Variants in DOCK2 observed in about 807,000 individuals in gnomAD.
DOCK2 encodes the protein dedicator of cytokinesis protein 2.
DOCK2 carries 87 observed loss-of-function variants against 248.9 expected under a neutral mutation model. The ratio of observed to expected loss-of-function variants is 0.35; its 90% CI spans 0.29 to 0.42. The LOEUF (loss-of-function observed/expected upper bound fraction) is 0.42. DOCK2 is among the 10% of genes least tolerant of loss of function. The pLI is 1.00. For synonymous variants in DOCK2, 805 were observed against 821.6 expected, an observed-to-expected ratio of 0.98 and a Z score of 0.35; for missense variants, 1,747 against 2,300.2, an observed-to-expected ratio of 0.76 and a Z score of 4.92.
At chr5:169,917,147 G>A (rs968040758) in intron 27 of DOCK2, among the ~76,000 whole-genome samples, 7 of 152,282 alleles carry the variant, frequency 4.6e-5, no homozygotes, top group African/African-American at 1.7e-4. Context: ...ACCTTTTTTA[G>A]TGAAGGAAAA....
intron 46 of DOCK2, among the ~76,000 whole-genome samples, chr5:170,074,979 G>A (rs545172198): frequency 3.3e-5 from 5 of 152,272 alleles, no homozygotes; most frequent in African/African-American, 1.2e-4. Context: ...TGGAAGGTCA[G>A]TTATGTCCTC....
chr5:169,979,699 A>C (rs1777870897), intron 27 of DOCK2, among the ~76,000 whole-genome samples: 1 of 152,234 alleles, frequency 6.6e-6, no homozygotes, highest in African/African-American at 2.4e-5. Flanking sequence ...TAACTTGTCC[A>C]AACTTCAGTC....
intron 32 of DOCK2, 84 bp downstream of exon 32, chr5:170,008,830 G>A (rs960062842): frequency 6.7e-7 from 1 of 1,497,838 alleles, no homozygotes; most frequent in Non-Finnish European, 9.3e-7. Flanking sequence ...GGCCACAGGG[G>A]TTTTAGCAGT....
intron 27 of DOCK2, among the ~76,000 whole-genome samples, chr5:169,846,663 T>G (rs908683097): frequency 4.6e-5 from 7 of 151,970 alleles, no homozygotes; most frequent in Admixed American, 4.6e-4. Context: ...CACACACATA[T>G]ATATATATAC....
chr5:170,076,308 T>C (rs1467694803), intron 47 of DOCK2, among the ~76,000 whole-genome samples: 2 of 152,174 alleles, frequency 1.3e-5, no homozygotes, highest in Non-Finnish European at 2.9e-5. Context: ...ATTGTGCAGA[T>C]ACCAACTACT....
At chr5:170,067,779 T>C (rs1311960356) in intron 45 of DOCK2, 93 bp downstream of exon 45, 2 of 1,421,598 alleles carry the variant, frequency 1.4e-6, no homozygotes, top group Non-Finnish European at 1.9e-6. Flanking sequence ...ATGTCACTTA[T>C]CCTACTTTGA....
At chr5:169,681,105 T>C (rs1759634187) in intron 6 of DOCK2, among the ~76,000 whole-genome samples, 2 of 150,818 alleles carry the variant, frequency 1.3e-5, no homozygotes. Flanking sequence ...ATTTCTCTTT[T>C]AGTAGACCTT....
chr5:169,719,566 C>T (rs1033029690), intron 22 of DOCK2, among the ~76,000 whole-genome samples: 8 of 152,114 alleles, frequency 5.3e-5, no homozygotes, highest in African/African-American at 1.7e-4. Flanking sequence ...AGGGTGTAGT[C>T]GGCCTCAGGC....
At chr5:169,680,047 G>A (rs1469363597) in intron 6 of DOCK2, among the ~76,000 whole-genome samples, 1 of 152,024 alleles carries the variant, frequency 6.6e-6, no homozygotes, top group African/African-American at 2.4e-5. Context: ...CAAGTTCAAG[G>A]TTTCTGCAAA....
intron 27 of DOCK2, among the ~76,000 whole-genome samples, chr5:169,867,601 CATCT>C (rs905107618): frequency 4.7e-5 from 7 of 149,860 alleles, no homozygotes; most frequent in Non-Finnish European, 1.0e-4. Context: ...GTTATCTATC[CATCT>C]ATCATGTATC....
intron 27 of DOCK2, among the ~76,000 whole-genome samples, chr5:169,958,382 G>A (rs1339108962): frequency 6.6e-6 from 1 of 152,166 alleles, no homozygotes; most frequent in African/African-American, 2.4e-5. Context: ...AAAAGCAAGA[G>A]GAGGGCAAAC....
intron 26 of DOCK2, among the ~76,000 whole-genome samples, chr5:169,823,137 C>T (rs2113246760): frequency 1.3e-5 from 2 of 152,190 alleles, no homozygotes; most frequent in Admixed American, 1.3e-4. Flanking sequence ...AATAGCTTAC[C>T]AGCCAAAAAA....
At position 170,024,415 on chromosome 5, in the gene DOCK2, C is replaced by T. The variant is rs74610613; in HGVS notation, c.3382-3448C>T. Among the ~76,000 whole-genome samples the T allele has an allele frequency of 8.1e-3, 1,067 of 132,410 alleles. 23 individuals carry two copies. The highest frequency in any genetic ancestry group is 0.03 in the African/African-American group (1,016 of 33,982). The allele number at this position is 132,410 out of a possible 152,430, so 86.9% of individuals were successfully genotyped here. A position where few individuals can be genotyped will look rare whatever the true frequency, so the allele number is the denominator to read the frequency against. On this transcript the variant is annotated intron_variant, in intron 33 of 51. Coordinates refer to ENST00000520908, the MANE Select transcript of DOCK2 (RefSeq NM_004946.3). ...TTACACTCTGTCACCCAAGGTCCTA[C>T]GTTGCCTCAGCCTCCTCATTTGTAA... is the stretch of plus-strand genomic sequence containing the variant.
chr5:169,710,641 T>C (rs561018456), intron 15 of DOCK2, among the ~76,000 whole-genome samples: 3 of 152,102 alleles, frequency 2.0e-5, no homozygotes, highest in Non-Finnish European at 4.4e-5. Flanking sequence ...CATTCTTTAT[T>C]CCCCCCGGGC....
At chr5:169,738,510 C>A (rs262846) in intron 22 of DOCK2, among the ~76,000 whole-genome samples, 1 of 152,068 alleles carries the variant, frequency 6.6e-6, no homozygotes, top group African/African-American at 2.4e-5. Context: ...ACTTGGGCAC[C>A]AGTGGGGCCT....
Position 169,704,331 on chromosome 5 carries a change from T to A in DOCK2, c.1383+1904T>A, listed in dbSNP as rs148089238. ...CTGTGGAAATGGTCCCCTTTAGAAATATTGATTTCTCCTCCTGCTCTAGGT... is the reference window on the plus strand; with the variant it reads ...CTGTGGAAATGGTCCCCTTTAGAAAAATTGATTTCTCCTCCTGCTCTAGGT... On this transcript the variant is annotated intron_variant, in intron 14 of 51. Coordinates refer to ENST00000520908, the MANE Select transcript of DOCK2 (RefSeq NM_004946.3). Among the ~76,000 whole-genome samples the A allele has an allele frequency of 3.3e-4, 51 of 152,316 alleles. 1 individual carries two copies. In the East Asian group the frequency reaches 9.4e-3, roughly 28 times the overall value.
At chr5:169,867,768 T>A (rs774237836) in intron 27 of DOCK2, among the ~76,000 whole-genome samples, 9 of 152,186 alleles carry the variant, frequency 5.9e-5, no homozygotes, top group Non-Finnish European at 1.2e-4. Flanking sequence ...CACCTGGTAC[T>A]GCACCCCTAT....
At chr5:169,835,623 G>T (rs1373461119) in intron 26 of DOCK2, among the ~76,000 whole-genome samples, 2 of 152,078 alleles carry the variant, frequency 1.3e-5, no homozygotes, top group East Asian at 3.9e-4. Flanking sequence ...GTTTAAAAAA[G>T]AAGTACCAAA....
intron 26 of DOCK2, among the ~76,000 whole-genome samples, chr5:169,826,630 C>T (rs1210079425): frequency 2.6e-5 from 4 of 151,920 alleles, no homozygotes; most frequent in Non-Finnish European, 2.9e-5. Context: ...TGACTCACTG[C>T]GAGTGAGACT....
Sources: gnomAD v4.1 joint callset for allele counts (sites outside exome capture counted in the v4.1 genomes callset) on GRCh38, gnomAD v4.1.1 for gene constraint, MANE v1.5 for transcripts, NCBI Gene and HGNC (gene_info 2026-07-23, HGNC 2026-07-21) for gene names.